The following DCC variants were observed in gnomAD, a reference collection of about 807,000 sequenced individuals.
The protein encoded by DCC is netrin receptor DCC.
A neutral mutation model predicts 172.5 loss-of-function variants in DCC; 58 were observed. That is an observed-to-expected ratio of 0.34 (90% CI 0.27 to 0.42). The LOEUF is 0.42. Ranked by LOEUF, DCC falls within the 10% of genes least tolerant of loss-of-function variation. DCC has a pLI of 1.00. For synonymous variants in DCC, 709 were observed against 644.5 expected (o/e 1.10, Z -1.52); for missense variants, 1,740 against 1,791.0 (o/e 0.97, Z 0.51).
intron 15 of DCC, among the ~76,000 whole-genome samples, chr18:53,361,825 T>C (rs1408792473): frequency 8.8e-6 from 1 of 113,596 alleles, no homozygotes; most frequent in Non-Finnish European, 2.1e-5. Flanking sequence ...AAAGAAATTA[T>C]GTATTTTTTT....
intron 1 of DCC, among the ~76,000 whole-genome samples, chr18:52,734,488 C>G (rs1466965479): frequency 6.6e-6 from 1 of 152,074 alleles, no homozygotes; most frequent in African/African-American, 2.4e-5. Context: ...ACTTTTAAAA[C>G]CTTGGCTGAC....
chr18:52,973,732 T>C (rs1274377244), intron 5 of DCC, among the ~76,000 whole-genome samples: 6 of 152,192 alleles, frequency 3.9e-5, no homozygotes, highest in Admixed American at 3.9e-4. Context: ...CCAAGAGGCC[T>C]AGAGTATGTA....
chr18:53,429,008 ATATT>A (rs1385374005), intron 21 of DCC, among the ~76,000 whole-genome samples: 1 of 75,666 alleles, frequency 1.3e-5, no homozygotes, highest in African/African-American at 5.5e-5. Context: ...TATATAATAT[ATATT>A]TTATATATTT....
chr18:52,801,897 G>A (rs1400586839), intron 2 of DCC, among the ~76,000 whole-genome samples: 1 of 151,960 alleles, frequency 6.6e-6, no homozygotes, highest in African/African-American at 2.4e-5. Context: ...GTGCTTGTCT[G>A]TTCAAAAAAT....
intron 2 of DCC, among the ~76,000 whole-genome samples, chr18:52,879,601 G>A (rs114117093): frequency 6.6e-6 from 1 of 151,388 alleles, no homozygotes; most frequent in African/African-American, 2.4e-5. Flanking sequence ...CCAGGTAATT[G>A]TTTTACTTTT....
chr18:53,437,847 A>G (rs1912049567), intron 22 of DCC, among the ~76,000 whole-genome samples: 1 of 152,198 alleles, frequency 6.6e-6, no homozygotes, highest in Admixed American at 6.5e-5. Context: ...GGCACTTGCA[A>G]TGAGCTATGG....
intron 13 of DCC, among the ~76,000 whole-genome samples, chr18:53,316,459 A>G (rs1003382755): frequency 2.7e-5 from 4 of 147,806 alleles, no homozygotes; most frequent in Non-Finnish European, 3.0e-5. Context: ...ACCATATGAA[A>G]TTTAAAGAAG....
At chr18:52,873,023 C>A (rs750953229) in intron 2 of DCC, among the ~76,000 whole-genome samples, 19 of 152,176 alleles carry the variant, frequency 1.2e-4, no homozygotes, top group Admixed American at 2.6e-4. Context: ...ATCCTACTGA[C>A]AGTCTATTTG....
intron 26 of DCC, among the ~76,000 whole-genome samples, chr18:53,490,562 G>C (rs1388440094): frequency 6.6e-6 from 1 of 152,142 alleles, no homozygotes; most frequent in Non-Finnish European, 1.5e-5. Context: ...AACAACAAGT[G>C]CCTTGCTAGC....
chr18:52,685,593 G>A (rs534966254), intron 1 of DCC, among the ~76,000 whole-genome samples: 11 of 152,180 alleles, frequency 7.2e-5, no homozygotes, highest in South Asian at 2.1e-4. Flanking sequence ...TCCTGAGACA[G>A]CAGGTTGTTA....
At position 52,970,530 on chromosome 18, in the gene DCC, A is replaced by T. The variant is rs931883407; in HGVS notation, c.985+45160A>T. On this transcript the variant is annotated intron_variant, in intron 5 of 28. Transcript: ENST00000442544. ...AGTAATGGAGATTTTTCTAAGTGTA[A>T]ACCTAAAGACATATTGTTTAGAATA... is the stretch of plus-strand genomic sequence containing the variant. Among the ~76,000 whole-genome samples, 10 of 152,278 alleles carry T rather than the reference A, an allele frequency of 6.6e-5. No homozygotes were observed. The East Asian group carries it at 1.9e-3, about 29-fold the overall frequency.
chr18:52,651,157 T>A (rs756934006), intron 1 of DCC, among the ~76,000 whole-genome samples: 5 of 152,148 alleles, frequency 3.3e-5, no homozygotes, highest in African/African-American at 4.8e-5. Flanking sequence ...TTTTTAAAAA[T>A]TTGTATTTAT....
At chr18:52,427,907 G>A (rs1315858563) in intron 1 of DCC, among the ~76,000 whole-genome samples, 2 of 125,256 alleles carry the variant, frequency 1.6e-5, no homozygotes, top group Non-Finnish European at 3.1e-5. Context: ...CACATCTTTT[G>A]AAACACTCAA....
chr18:52,865,128 G>A (rs1364073443), intron 2 of DCC, among the ~76,000 whole-genome samples: 2 of 152,074 alleles, frequency 1.3e-5, no homozygotes, highest in Non-Finnish European at 2.9e-5. Flanking sequence ...GCCTCCCAAA[G>A]TGCTGGGATT....
intron 5 of DCC, among the ~76,000 whole-genome samples, chr18:52,942,687 T>TG (rs1240545704): frequency 6.6e-6 from 1 of 152,128 alleles, no homozygotes; most frequent in Non-Finnish European, 1.5e-5. Context: ...GAAAACAGCA[T>TG]GGGGGAACCT....
At chr18:53,473,772 A>G (rs924530393) in intron 25 of DCC, among the ~76,000 whole-genome samples, 1 of 152,126 alleles carries the variant, frequency 6.6e-6, no homozygotes, top group African/African-American at 2.4e-5. Flanking sequence ...TATGGCTTTT[A>G]TCTCCTAAAT....
intron 24 of DCC, among the ~76,000 whole-genome samples, chr18:53,462,689 C>T (rs1056863933): frequency 5.9e-5 from 9 of 152,088 alleles, no homozygotes; most frequent in East Asian, 5.8e-4. Context: ...GAAACTGGTC[C>T]GTGGTGCCAA....
At chr18:53,399,616 C>A (rs1909176194) in intron 18 of DCC, among the ~76,000 whole-genome samples, 1 of 10,278 alleles carries the variant, frequency 9.7e-5, no homozygotes, top group Non-Finnish European at 0.018. Context: ...CCAAAGAAAT[C>A]AGAGGGGGCC....
At chr18:53,179,224 T>A (rs760573966) in intron 9 of DCC, 108 bp downstream of exon 9, 47 of 1,103,052 alleles carry the variant, frequency 4.3e-5, no homozygotes, top group Non-Finnish European at 6.0e-5. Flanking sequence ...CGAAGAAGAG[T>A]TTTTTTTCTT....
Sources: gnomAD v4.1 joint callset for allele counts (sites outside exome capture counted in the v4.1 genomes callset) on GRCh38, gnomAD v4.1.1 for gene constraint, MANE v1.5 for transcripts, NCBI Gene and HGNC (gene_info 2026-07-23, HGNC 2026-07-21) for gene names.